The following ATP8A2 variants were observed in gnomAD, a reference collection of about 807,000 sequenced individuals.
The protein encoded by ATP8A2 is phospholipid-transporting ATPase IB.
Under a neutral mutation model 165.6 loss-of-function variants are expected in ATP8A2, and 100 were observed. The ratio of observed to expected loss-of-function variants is 0.60; its 90% CI spans 0.51 to 0.71. The LOEUF (loss-of-function observed/expected upper bound fraction) is 0.71, where lower values mean the gene tolerates loss of function less well. Ranked by LOEUF, ATP8A2 falls within the 30% of genes least tolerant of loss-of-function variation. ATP8A2 has a pLI of 0.00. For synonymous variants in ATP8A2, 543 were observed against 548.8 expected (o/e 0.99, Z 0.15); for missense variants, 1,227 against 1,479.5 (o/e 0.83, Z 2.80).
chr13:25,999,324 C>T (rs553643379), intron 35 of ATP8A2, among the ~76,000 whole-genome samples: 13 of 152,280 alleles, frequency 8.5e-5, no homozygotes, highest in Non-Finnish European at 1.6e-4. Flanking sequence ...TGGGTTTCTA[C>T]AAGCTGAGTC....
At chr13:25,970,657 T>G (rs1440424525) in intron 35 of ATP8A2, among the ~76,000 whole-genome samples, 1 of 152,198 alleles carries the variant, frequency 6.6e-6, no homozygotes, top group Non-Finnish European at 1.5e-5. Context: ...GGGATTAAGG[T>G]TCGTGAAATA....
At chr13:26,004,966 C>T (rs1956711254) in intron 35 of ATP8A2, among the ~76,000 whole-genome samples, 1 of 151,542 alleles carries the variant, frequency 6.6e-6, no homozygotes, top group African/African-American at 2.4e-5. Context: ...GATTCCTTGT[C>T]TGGCTTTGGT....
At chr13:25,738,112 G>T (rs1312165951) in intron 25 of ATP8A2, among the ~76,000 whole-genome samples, 1 of 152,212 alleles carries the variant, frequency 6.6e-6, no homozygotes, top group Non-Finnish European at 1.5e-5. Flanking sequence ...CTTCCTGGTT[G>T]CAGAAGTGCT....
intron 25 of ATP8A2, among the ~76,000 whole-genome samples, chr13:25,729,969 G>C (rs1035651489): frequency 6.6e-6 from 1 of 152,166 alleles, no homozygotes; most frequent in Non-Finnish European, 1.5e-5. Context: ...CACCTCCCCA[G>C]CTTGTTTTTG....
At chr13:25,760,428 C>T (rs531967405) in intron 25 of ATP8A2, among the ~76,000 whole-genome samples, 38 of 152,202 alleles carry the variant, frequency 2.5e-4, no homozygotes, top group African/African-American at 7.7e-4. Context: ...AGAATTTAGA[C>T]GCCATATAAA....
intron 28 of ATP8A2, 149 bp from the exon 29 acceptor site, chr13:25,837,014 C>T: frequency 4.3e-6 from 4 of 923,362 alleles, no homozygotes; most frequent in South Asian, 4.0e-5. Flanking sequence ...CATTTATTTC[C>T]TTTGTTTGGA....
chr13:25,793,942 G>A (rs1950442201), intron 27 of ATP8A2, among the ~76,000 whole-genome samples: 1 of 152,190 alleles, frequency 6.6e-6, no homozygotes, highest in Non-Finnish European at 1.5e-5. Flanking sequence ...AGTTGCACAT[G>A]ACCAGAAGGC....
At chr13:25,399,691 C>T (rs1243749464) in intron 1 of ATP8A2, among the ~76,000 whole-genome samples, 14 of 151,522 alleles carry the variant, frequency 9.2e-5, no homozygotes, top group Admixed American at 2.0e-4. Flanking sequence ...CGTGAGCCAC[C>T]GCGCCCGGCC....
rs191484356 is a variant in ATP8A2, at chr13:25,660,332, A to G, written c.2212-38841A>G. On this transcript the variant is annotated intron_variant, in intron 24 of 36. Coordinates refer to ENST00000381655, the MANE Select transcript of ATP8A2 (RefSeq NM_016529.6). ...CCAATGGTATATTCTGTAACAATGC[A>G]CCTACAGAGTATTTAACCCATCAAC... Among the ~76,000 whole-genome samples, 195 of 152,298 alleles carry G rather than the reference A, an allele frequency of 1.3e-3. 4 individuals carry two copies. The highest frequency in any genetic ancestry group is 0.012 in the Admixed American group (179 of 15,294).
chr13:25,476,243 A>G (rs2137554664), intron 2 of ATP8A2, among the ~76,000 whole-genome samples: 1 of 152,262 alleles, frequency 6.6e-6, no homozygotes, highest in African/African-American at 2.4e-5. Flanking sequence ...CAAGCTGCTT[A>G]CAATTTAGCA....
intron 33 of ATP8A2, among the ~76,000 whole-genome samples, chr13:25,876,478 G>A (rs900461585): frequency 3.3e-5 from 5 of 152,126 alleles, no homozygotes; most frequent in Non-Finnish European, 7.4e-5. Flanking sequence ...GACTGTGATG[G>A]GGAAGGCCAG....
At chr13:25,960,679 C>G (rs1171090611) in intron 33 of ATP8A2, among the ~76,000 whole-genome samples, 1 of 152,132 alleles carries the variant, frequency 6.6e-6, no homozygotes, top group Non-Finnish European at 1.5e-5. Context: ...CTGCCCTGCT[C>G]AGGCCCCCAT....
intron 25 of ATP8A2, among the ~76,000 whole-genome samples, chr13:25,705,002 G>A (rs982375074): frequency 2.0e-5 from 3 of 152,126 alleles, no homozygotes; most frequent in African/African-American, 7.2e-5. Context: ...TGTCTTATAT[G>A]TTTAGACTTA....
intron 25 of ATP8A2, among the ~76,000 whole-genome samples, chr13:25,709,271 G>T (rs1373595087): frequency 6.6e-6 from 1 of 152,182 alleles, no homozygotes; most frequent in Non-Finnish European, 1.5e-5. Flanking sequence ...AATCATTAAA[G>T]ACCAAAGTAA....
At chr13:25,845,240 C>T (rs867997075) in intron 30 of ATP8A2, among the ~76,000 whole-genome samples, 13 of 152,258 alleles carry the variant, frequency 8.5e-5, no homozygotes, top group Middle Eastern at 3.4e-3. Flanking sequence ...CCATCAGGAG[C>T]CCTGGTGTCA....
At chr13:25,446,781 C>A (rs978344575) in intron 1 of ATP8A2, among the ~76,000 whole-genome samples, 1 of 152,048 alleles carries the variant, frequency 6.6e-6, no homozygotes, top group African/African-American at 2.4e-5. Flanking sequence ...TAAAAATTTC[C>A]CCTAAATGTC....
intron 33 of ATP8A2, among the ~76,000 whole-genome samples, chr13:25,892,511 C>T (rs951582661): frequency 4.3e-5 from 5 of 115,602 alleles, no homozygotes; most frequent in East Asian, 2.9e-4. Flanking sequence ...TCTCCTTCCA[C>T]CTGTGTTATG....
intron 24 of ATP8A2, among the ~76,000 whole-genome samples, chr13:25,614,462 C>T (rs774172668): frequency 3.5e-4 from 53 of 152,230 alleles, no homozygotes; most frequent in Admixed American, 7.2e-4. Flanking sequence ...TCACCTTTCT[C>T]TGGTGCCTCC....
chr13:25,899,610 G>A (rs551423407), intron 33 of ATP8A2, among the ~76,000 whole-genome samples: 20 of 152,210 alleles, frequency 1.3e-4, no homozygotes, highest in African/African-American at 4.8e-4. Flanking sequence ...TCCGCACCAG[G>A]GGAGGCAAAG....
Sources: allele counts gnomAD v4.1 joint callset (sites outside exome capture counted in the v4.1 genomes callset), GRCh38; gene constraint gnomAD v4.1.1; transcripts MANE v1.5; gene names NCBI Gene and HGNC (gene_info 2026-07-23, HGNC 2026-07-21).